CNTN5: variants seen among roughly 807,000 people sequenced by gnomAD.
CNTN5 encodes contactin 5.
Under a neutral mutation model 129.1 loss-of-function variants are expected in CNTN5, and 77 were observed. The ratio of observed to expected loss-of-function variants is 0.60; its 90% CI spans 0.50 to 0.72. CNTN5 has a LOEUF of 0.72. CNTN5 is among the 30% of genes least tolerant of loss of function. The pLI is 0.00. For synonymous variants in CNTN5, 509 were observed against 465.6 expected (o/e 1.09, Z -1.20); for missense variants, 1,478 against 1,328.8 (o/e 1.11, Z -1.75).
intron 1 of CNTN5, among the ~76,000 whole-genome samples, chr11:99,297,086 G>A (rs573810710): frequency 4.6e-5 from 7 of 152,256 alleles, no homozygotes; most frequent in East Asian, 3.9e-4. Flanking sequence ...ACTTGCAAAC[G>A]CTTTTAACTA....
At position 100,015,392 on chromosome 11, in the gene CNTN5, T is replaced by G. The variant is rs1387688698; in HGVS notation, c.980+13256T>G. 2.6e-5 allele frequency among the ~76,000 whole-genome samples: 4 copies of G among 152,110 alleles called. No individual in the cohort carries two copies. In the East Asian group the frequency reaches 7.7e-4, roughly 29 times the overall value. On this transcript the variant is annotated intron_variant, in intron 9 of 24. Coordinates refer to ENST00000524871, the MANE Select transcript of CNTN5 (RefSeq NM_014361.4). ...AAAGTCACTCTAATGAAAAACAAAC[T>G]GTGATAACTTGCTAATAACCATCAC...
chr11:99,102,099 C>T (rs1359022816), intron 1 of CNTN5, among the ~76,000 whole-genome samples: 1 of 152,182 alleles, frequency 6.6e-6, no homozygotes, highest in Non-Finnish European at 1.5e-5. Flanking sequence ...GGGGCTTGCA[C>T]CCTCTGAAGA....
In CNTN5 at chr11:100,116,411, TA is replaced by T. The variant is rs113430782; in HGVS notation, c.1580+42125del. Among the ~76,000 whole-genome samples the T allele has an allele frequency of 3.7e-3, 554 of 151,472 alleles. 2 individuals carry two copies. The highest frequency in any genetic ancestry group is 1.0e-2 in the African/African-American group (413 of 41,310). ...AGAGCATGGAAAATATCCTATCTAA[TA>T]AAAAAAATTTGGTGATTATAAATTG... On this transcript the variant is annotated intron_variant, in intron 13 of 24. Coordinates refer to ENST00000524871, the MANE Select transcript of CNTN5 (RefSeq NM_014361.4).
intron 3 of CNTN5, among the ~76,000 whole-genome samples, chr11:99,753,119 CTTTTT>C (rs375324214): frequency 7.5e-5 from 7 of 93,112 alleles, no homozygotes; most frequent in South Asian, 4.5e-4. Flanking sequence ...GCCATATTTG[CTTTTT>C]TTTTTTTTTT....
chr11:99,925,732 T>C (rs544365281), intron 7 of CNTN5, among the ~76,000 whole-genome samples: 1 of 152,184 alleles, frequency 6.6e-6, no homozygotes, highest in Non-Finnish European at 1.5e-5. Context: ...TTTTTTTCTT[T>C]TGGATTCTAA....
At chr11:99,045,708 TC>T (rs1864178143) in intron 1 of CNTN5, among the ~76,000 whole-genome samples, 1 of 152,182 alleles carries the variant, frequency 6.6e-6, no homozygotes, top group Non-Finnish European at 1.5e-5. Context: ...ACTTTAAGCA[TC>T]GGGGTGTTCA....
At chr11:100,348,839 T>C (rs1401394994) in intron 23 of CNTN5, among the ~76,000 whole-genome samples, 3 of 152,060 alleles carry the variant, frequency 2.0e-5, no homozygotes, top group African/African-American at 7.2e-5. Context: ...ATCAAATATA[T>C]TTCCCGCTGC....
rs565096906 is a variant in CNTN5, at chr11:99,071,998, A to G, written c.-210+50728A>G. 1.7e-4 allele frequency among the ~76,000 whole-genome samples: 26 copies of G among 152,272 alleles called. 1 individual carries two copies. The highest frequency in any genetic ancestry group is 5.3e-4 in the African/African-American group (22 of 41,580). ...ATACAATCAAACAAACTTTTTCACA[A>G]CACATTTAACAAATGATCCCAAAAG... On this transcript the variant is annotated intron_variant, in intron 1 of 24. Transcript: ENST00000524871.
intron 2 of CNTN5, among the ~76,000 whole-genome samples, chr11:99,333,992 A>ACAGTG (rs1248183987): frequency 6.6e-6 from 1 of 151,800 alleles, no homozygotes; most frequent in Non-Finnish European, 1.5e-5. Flanking sequence ...ACACACACAC[A>ACAGTG]CACACAGTGC....
intron 13 of CNTN5, among the ~76,000 whole-genome samples, chr11:100,117,811 G>A (rs963858418): frequency 2.6e-5 from 4 of 151,302 alleles, no homozygotes; most frequent in African/African-American, 9.7e-5. Flanking sequence ...TTCAATAAGT[G>A]GATAACATTT....
intron 9 of CNTN5, among the ~76,000 whole-genome samples, chr11:100,049,885 C>A (rs1252589897): frequency 1.3e-5 from 2 of 152,170 alleles, no homozygotes; most frequent in Non-Finnish European, 2.9e-5. Flanking sequence ...TGCTCACCAT[C>A]ACTGGCCGTC....
At chr11:100,343,344 G>T (rs1020178871) in intron 23 of CNTN5, among the ~76,000 whole-genome samples, 1 of 152,162 alleles carries the variant, frequency 6.6e-6, no homozygotes, top group Admixed American at 6.6e-5. Context: ...TATAAAAGGA[G>T]TCTGCTGATA....
chr11:99,872,741 C>T (rs1391550673), intron 6 of CNTN5, among the ~76,000 whole-genome samples: 8 of 152,046 alleles, frequency 5.3e-5, no homozygotes, highest in Admixed American at 2.6e-4. Context: ...CACAAGATGG[C>T]ATTATATGAG....
intron 13 of CNTN5, among the ~76,000 whole-genome samples, chr11:100,139,501 G>A (rs1364479403): frequency 6.6e-6 from 1 of 152,152 alleles, no homozygotes; most frequent in Admixed American, 6.6e-5. Context: ...ATAGAATTCA[G>A]TGGTAACCTT....
intron 2 of CNTN5, among the ~76,000 whole-genome samples, chr11:99,331,587 C>G (rs1866000882): frequency 6.6e-6 from 1 of 152,114 alleles, no homozygotes; most frequent in Admixed American, 6.6e-5. Context: ...TAATAACTTT[C>G]TTTTACCTGT....
At chr11:100,257,164 C>G (rs926546053) in intron 17 of CNTN5, among the ~76,000 whole-genome samples, 1 of 152,110 alleles carries the variant, frequency 6.6e-6, no homozygotes, top group Admixed American at 6.5e-5. Context: ...TAAACAAAGC[C>G]ACCTGGAAGT....
Position 99,594,806 on chromosome 11 carries a change from T to C in CNTN5, c.55+38537T>C, listed in dbSNP as rs376575140. ...CAGCACAACAATGTAAAAGGTGGTGTTTTCATCTCATTCAGAAAGACCCTG... is the reference window on the plus strand; with the variant it reads ...CAGCACAACAATGTAAAAGGTGGTGCTTTCATCTCATTCAGAAAGACCCTG... On this transcript the variant is annotated intron_variant, in intron 3 of 24. Coordinates refer to ENST00000524871, the MANE Select transcript of CNTN5 (RefSeq NM_014361.4). Among the ~76,000 whole-genome samples, 119 of 152,284 alleles carry C rather than the reference T, an allele frequency of 7.8e-4. 6 individuals are homozygous for C. The South Asian group carries it at 0.024, about 31-fold the overall frequency.
rs182522854 is a variant in CNTN5, at chr11:99,784,900, C to T, written c.56-34644C>T. On this transcript the variant is annotated intron_variant, in intron 3 of 24. Coordinates refer to ENST00000524871, the MANE Select transcript of CNTN5 (RefSeq NM_014361.4). ...CTGCAACCTCCGCCTCCCAGGTTCA[C>T]GCCATTCTTCTGCCTCAGCCTCCCA... is the stretch of plus-strand genomic sequence containing the variant. Among the ~76,000 whole-genome samples the T allele has an allele frequency of 8.1e-4, 121 of 148,730 alleles. 5 individuals carry two copies. Among genetic ancestry groups the T allele is most frequent in the East Asian group, 6.3e-4 (3 of 4,768 alleles).
At chr11:99,355,737 G>A (rs994783879) in intron 2 of CNTN5, among the ~76,000 whole-genome samples, 3 of 151,598 alleles carry the variant, frequency 2.0e-5, no homozygotes, top group African/African-American at 7.3e-5. Flanking sequence ...GGTGACCCAA[G>A]TCCTTTTTAG....
Sources: allele counts gnomAD v4.1 joint callset (sites outside exome capture counted in the v4.1 genomes callset), GRCh38; gene constraint gnomAD v4.1.1; transcripts MANE v1.5; gene names NCBI Gene and HGNC (gene_info 2026-07-23, HGNC 2026-07-21).